Variants in QTMAN observed in about 807,000 individuals in gnomAD.
QTMAN encodes the protein queuosine-tRNA mannosyltransferase, also known as tRNA-queuosine alpha-mannosyltransferase.
At chr2:144,198,890 C>A in the QTMAN span, among the ~76,000 whole-genome samples, 1 of 152,074 alleles carries the variant, frequency 6.6e-6, no homozygotes. Flanking sequence ...TTAAAGTTTC[C>A]AAACATTTCT....
At chr2:144,125,562 G>A in the QTMAN span, among the ~76,000 whole-genome samples, 1 of 151,988 alleles carries the variant, frequency 6.6e-6, no homozygotes, top group South Asian at 2.1e-4. Flanking sequence ...TGGTGACTGT[G>A]CTGCACTGTA....
At chr2:143,942,743 G>A in the QTMAN span, 1 of 167,218 alleles carries the variant, frequency 6.0e-6, no homozygotes, top group Admixed American at 6.5e-5. Context: ...GGGTTGAGGT[G>A]AAGCCCCTGG....
the QTMAN span, among the ~76,000 whole-genome samples, chr2:144,151,262 A>AT: frequency 6.6e-6 from 1 of 152,032 alleles, no homozygotes; most frequent in South Asian, 2.1e-4. Context: ...AAAAGGTATG[A>AT]TTTTTTATTA....
the QTMAN span, chr2:144,006,932 G>A: frequency 2.8e-6 from 1 of 358,370 alleles, no homozygotes; most frequent in Non-Finnish European, 5.0e-6. Context: ...TGCTAGAAGT[G>A]CCTACCCACT....
the QTMAN span, among the ~76,000 whole-genome samples, chr2:144,129,189 G>A: frequency 6.6e-6 from 1 of 151,856 alleles, no homozygotes; most frequent in African/African-American, 2.4e-5. Flanking sequence ...TCTGCTCAAG[G>A]TGTCAGTAGT....
chr2:144,229,530 T>C, the QTMAN span, among the ~76,000 whole-genome samples: 3 of 152,196 alleles, frequency 2.0e-5, no homozygotes, highest in African/African-American at 7.2e-5. Flanking sequence ...TAATGTCTAA[T>C]GCTCTTCTCA....
At chr2:143,995,700 A>G in the QTMAN span, among the ~76,000 whole-genome samples, 1 of 152,162 alleles carries the variant, frequency 6.6e-6, no homozygotes, top group African/African-American at 2.4e-5. Flanking sequence ...AATTAGTAGA[A>G]ATATAATGTT....
the QTMAN span, among the ~76,000 whole-genome samples, chr2:144,136,302 G>C: frequency 2.0e-5 from 3 of 151,258 alleles, no homozygotes; most frequent in Non-Finnish European, 4.4e-5. Flanking sequence ...CTCCAGCCTG[G>C]GCGACAGAGA....
At chr2:144,113,055 GA>G in the QTMAN span, among the ~76,000 whole-genome samples, 1 of 152,100 alleles carries the variant, frequency 6.6e-6, no homozygotes, top group Admixed American at 6.6e-5. Context: ...CAAATGTCCA[GA>G]TTTCAATAGA....
the QTMAN span, among the ~76,000 whole-genome samples, chr2:144,088,412 A>G: frequency 6.6e-6 from 1 of 152,122 alleles, no homozygotes; most frequent in African/African-American, 2.4e-5. Context: ...CAGTCTACAT[A>G]TTAAATGCAA....
the QTMAN span, among the ~76,000 whole-genome samples, chr2:144,182,371 T>C: frequency 6.6e-6 from 1 of 152,294 alleles, no homozygotes; most frequent in South Asian, 2.1e-4. Context: ...ACGGGCATTG[T>C]GGCTCAAGCC....
chr2:144,231,958 C>A, the QTMAN span, among the ~76,000 whole-genome samples: 6 of 149,556 alleles, frequency 4.0e-5, no homozygotes, highest in Admixed American at 6.7e-5. Context: ...CAGTCATGAA[C>A]TTAACTGGAT....
chr2:143,969,076 A>AG, the QTMAN span, among the ~76,000 whole-genome samples: 15,012 of 152,148 alleles, frequency 0.099, 1,092 homozygotes, highest in African/African-American at 0.2. Flanking sequence ...TTACTTACTA[A>AG]GTCTGCATGT....
the QTMAN span, among the ~76,000 whole-genome samples, chr2:143,970,114 G>A: frequency 6.6e-6 from 1 of 152,168 alleles, no homozygotes; most frequent in African/African-American, 2.4e-5. Flanking sequence ...GCTCCGTGTG[G>A]CATTAATAAA....
chr2:144,280,570 A>G, the QTMAN span, among the ~76,000 whole-genome samples: 1 of 152,166 alleles, frequency 6.6e-6, no homozygotes, highest in African/African-American at 2.4e-5. Flanking sequence ...ATCATAAAGA[A>G]AAAGAAACTG....
chr2:144,106,302 C>A, the QTMAN span, among the ~76,000 whole-genome samples: 1 of 152,302 alleles, frequency 6.6e-6, no homozygotes, highest in Non-Finnish European at 1.5e-5. Flanking sequence ...TTAAAAGACA[C>A]AGACTGGCAA....
the QTMAN span, among the ~76,000 whole-genome samples, chr2:144,295,548 G>A: frequency 6.6e-6 from 1 of 152,162 alleles, no homozygotes; most frequent in Admixed American, 6.5e-5. Flanking sequence ...AAGTGATTCA[G>A]CTCTCATCCT....
chr2:144,258,430 T>G, the QTMAN span, among the ~76,000 whole-genome samples: 16 of 152,316 alleles, frequency 1.1e-4, no homozygotes, highest in Admixed American at 8.5e-4. Context: ...AAACATGAAT[T>G]CCTTAGGTTA....
chr2:143,994,084 C>T, the QTMAN span, among the ~76,000 whole-genome samples: 9 of 152,210 alleles, frequency 5.9e-5, no homozygotes, highest in Non-Finnish European at 4.4e-5. Flanking sequence ...GGATAACAGG[C>T]CAATTAAGAT....
Sources: gnomAD v4.1 joint callset for allele counts (sites outside exome capture counted in the v4.1 genomes callset) on GRCh38, gnomAD v4.1.1 for gene constraint, MANE v1.5 for transcripts, NCBI Gene and HGNC (gene_info 2026-07-23, HGNC 2026-07-21) for gene names.